Variants in SCN1A observed in about 807,000 individuals in gnomAD.
SCN1A encodes the protein sodium voltage-gated channel alpha subunit 1.
Under a neutral mutation model 193.7 loss-of-function variants are expected in SCN1A, and 13 were observed. The observed-to-expected ratio is 0.07, with a 90% CI of 0.04 to 0.11. The LOEUF is 0.11. Among genes scored for constraint, SCN1A ranks in the 10% least tolerant of loss-of-function variants. The pLI, the probability that SCN1A is intolerant of heterozygous loss-of-function variation, is 1.00. For missense variants in SCN1A, 1,432 were observed against 2,451.1 expected (o/e 0.58, Z 8.78); for synonymous variants, 781 against 843.6 (o/e 0.93, Z 1.29).
chr2:166,122,907 T>C (rs998260315), intron 2 of SCN1A, among the ~76,000 whole-genome samples: 1 of 152,138 alleles, frequency 6.6e-6, no homozygotes, highest in African/African-American at 2.4e-5. Context: ...TCTAAGTTTG[T>C]AGGTAGAGCA....
intron 1 of SCN1A, among the ~76,000 whole-genome samples, chr2:166,147,608 A>G (rs6746129): frequency 0.81 from 122,874 of 152,130 alleles, 50,235 homozygotes; most frequent in African/African-American, 0.94. Context: ...CTGAATGCCA[A>G]ACTGAGTAAA....
chr2:166,062,174 C>T (rs183409581), intron 4 of SCN1A, among the ~76,000 whole-genome samples: 202 of 152,206 alleles, frequency 1.3e-3, no homozygotes, highest in Non-Finnish European at 2.1e-3. Flanking sequence ...TGTGAGAACT[C>T]CATTTTTCTC....
chr2:166,116,517 T>C (rs911509029), intron 2 of SCN1A, among the ~76,000 whole-genome samples: 4 of 152,150 alleles, frequency 2.6e-5, no homozygotes, highest in African/African-American at 7.2e-5. Context: ...TGCATTATAA[T>C]AATCTCAACT....
At chr2:166,099,391 C>A (rs1209729511) in intron 2 of SCN1A, among the ~76,000 whole-genome samples, 1 of 150,888 alleles carries the variant, frequency 6.6e-6, no homozygotes, top group Non-Finnish European at 1.5e-5. Flanking sequence ...TATGACAAAC[C>A]CACAGCCAAT....
At position 166,133,590 on chromosome 2, in the gene SCN1A, A is replaced by T. The variant is rs139412244; in HGVS notation, c.-50+15457T>A. 1.8e-4 allele frequency among the ~76,000 whole-genome samples: 27 copies of T among 152,282 alleles called. No individual in the cohort carries two copies. The East Asian group carries it at 3.3e-3, about 19-fold the overall frequency. ...ATCACCAACTGAACAGCACTTCAAA[A>T]ATTACTATAGTGCTCTGTATATATC... On this transcript the variant is annotated intron_variant, in intron 1 of 26. Coordinates refer to the SCN1A transcript ENST00000635750.
In SCN1A at chr2:166,039,661, C is replaced by T. The variant is rs1574194136; in HGVS notation, c.2416-65G>A. ...TAACATACATGACATAAGATTTGCT[C>T]TTAGAACATAATGCTTATGCTATTT... On this transcript the variant is annotated intron_variant, in intron 16 of 28. Transcript: ENST00000674923. 14 of 1,424,406 alleles carry T rather than the reference C, an allele frequency of 9.8e-6. No individual in the cohort carries two copies. In the South Asian group the frequency reaches 1.5e-4, roughly 16 times the overall value. The allele number at this position is 1,424,406 out of a possible 1,614,324, so 88.2% of individuals were successfully genotyped here. A position where few individuals can be genotyped will look rare whatever the true frequency, so the allele number is the denominator to read the frequency against.
intron 22 of SCN1A, among the ~76,000 whole-genome samples, chr2:166,011,539 C>T (rs1167260903): frequency 6.6e-6 from 1 of 151,240 alleles, no homozygotes; most frequent in African/African-American, 2.4e-5. Flanking sequence ...CTACACTCTA[C>T]ATACCTTACT....
In SCN1A at chr2:166,002,456, A is replaced by T; in HGVS notation, c.4284+16T>A. 1.2e-6 allele frequency: 2 copies of T among 1,605,390 alleles called. No homozygotes were observed. The highest frequency in any genetic ancestry group is 1.7e-6 in the Non-Finnish European group (2 of 1,173,686). On this transcript the variant is annotated intron_variant, in intron 24 of 28. Coordinates refer to ENST00000674923, the MANE Select transcript of SCN1A (RefSeq NM_001165963.4). ...CCAAACAATAAAAATATTCAGAGAA[A>T]ATAGTGTTCACTTACAACTTGAAGC...
At chr2:166,081,093 A>G (rs538993054) in intron 2 of SCN1A, among the ~76,000 whole-genome samples, 12 of 152,030 alleles carry the variant, frequency 7.9e-5, no homozygotes, top group African/African-American at 2.4e-4. Flanking sequence ...TTGAGGAGGC[A>G]TTTATCACAG....
intron 19 of SCN1A, among the ~76,000 whole-genome samples, chr2:166,023,399 G>A (rs1694322516): frequency 6.6e-6 from 1 of 152,230 alleles, no homozygotes; most frequent in African/African-American, 2.4e-5. Flanking sequence ...CCCAGACCTG[G>A]TTTGACCTCT....
chr2:166,039,119 T>G (rs1696817255), intron 17 of SCN1A, among the ~76,000 whole-genome samples: 1 of 152,234 alleles, frequency 6.6e-6, no homozygotes, highest in Admixed American at 6.5e-5. Flanking sequence ...GGTGATGCAT[T>G]TTCATTAAAA....
At chr2:166,071,302 A>G (rs1193895015) in intron 4 of SCN1A, among the ~76,000 whole-genome samples, 1 of 152,228 alleles carries the variant, frequency 6.6e-6, no homozygotes, top group East Asian at 1.9e-4. Flanking sequence ...TTGATTAAAT[A>G]ATAAAGTGCA....
intron 1 of SCN1A, among the ~76,000 whole-genome samples, chr2:166,139,178 G>T (rs193192142): frequency 6.6e-6 from 1 of 152,152 alleles, no homozygotes; most frequent in African/African-American, 2.4e-5. Context: ...GGACTTTTCA[G>T]TTAATGCTGA....
intron 19 of SCN1A, among the ~76,000 whole-genome samples, chr2:166,018,319 T>C (rs1407127667): frequency 1.3e-5 from 2 of 152,040 alleles, no homozygotes; most frequent in African/African-American, 4.8e-5. Context: ...TTTTTACTTT[T>C]TCTAAGACAA....
upstream of SCN1A, among the ~76,000 whole-genome samples, chr2:166,129,909 T>TATC (rs1691585300): frequency 1.3e-5 from 2 of 152,042 alleles, no homozygotes; most frequent in Non-Finnish European, 2.9e-5. Flanking sequence ...CAAGAGAGGG[T>TATC]ATCTACGCAG....
chr2:166,058,789 A>G (rs1699380975), intron 4 of SCN1A, 101 bp from the exon 5 acceptor site: 1 of 753,570 alleles, frequency 1.3e-6, no homozygotes, highest in Admixed American at 1.9e-5. Flanking sequence ...TGTAAAGTTA[A>G]ATGAGAAACC....
chr2:166,069,433 T>A (rs150511162), intron 4 of SCN1A, among the ~76,000 whole-genome samples: 45 of 152,298 alleles, frequency 3.0e-4, no homozygotes, highest in African/African-American at 1.0e-3. Flanking sequence ...ATTACATAAT[T>A]TGCACATCTT....
Position 166,001,998 on chromosome 2 carries a change from C to T in SCN1A, c.4284+474G>A, listed in dbSNP as rs1690936991. The stretch of plus-strand genomic sequence containing the variant: ...AATTCTAAAACCTAAATGTCATTCC[C>T]CAAACTTTGATCCAAATAATAGAAC... On this transcript the variant is annotated intron_variant, in intron 24 of 28. Transcript: ENST00000674923. Among the ~76,000 whole-genome samples the T allele has an allele frequency of 2.0e-5, 3 of 150,144 alleles. No individual in the cohort carries two copies. The Admixed American group carries it at 2.0e-4, about 10-fold the overall frequency.
chr2:166,138,558 T>A (rs1691955091), intron 1 of SCN1A, among the ~76,000 whole-genome samples: 1 of 152,112 alleles, frequency 6.6e-6, no homozygotes, highest in Non-Finnish European at 1.5e-5. Context: ...TGCACAGAAG[T>A]CAAAAACTGG....
Sources: allele counts gnomAD v4.1 joint callset (sites outside exome capture counted in the v4.1 genomes callset), GRCh38; gene constraint gnomAD v4.1.1; transcripts MANE v1.5; gene names NCBI Gene and HGNC (gene_info 2026-07-23, HGNC 2026-07-21).